NFIB: variants seen among roughly 807,000 people sequenced by gnomAD.
The protein encoded by NFIB is nuclear factor 1 B-type.
In NFIB, 11 loss-of-function variants were observed where a neutral mutation model predicts 61.5. The observed-to-expected ratio is 0.18, with a 90% CI of 0.11 to 0.30. The LOEUF (loss-of-function observed/expected upper bound fraction) is 0.30, where lower values mean the gene tolerates loss of function less well. NFIB is among the 10% of genes least tolerant of loss of function. NFIB has a pLI of 1.00. For missense variants in NFIB, 471 were observed against 608.9 expected (o/e 0.77, Z 2.38); for synonymous variants, 260 against 216.5 (o/e 1.20, Z -1.76).
intron 2 of NFIB, among the ~76,000 whole-genome samples, chr9:14,219,465 T>C (rs1359032549): frequency 6.7e-6 from 1 of 149,056 alleles, no homozygotes; most frequent in Non-Finnish European, 1.5e-5. Flanking sequence ...GTCAAAACTG[T>C]AAACCTAAAA....
At chr9:14,387,814 C>T (rs986799149) in intron 1 of NFIB, among the ~76,000 whole-genome samples, 8 of 152,134 alleles carry the variant, frequency 5.3e-5, no homozygotes, top group Admixed American at 1.3e-4. Flanking sequence ...TTTCTTGGGG[C>T]AGTATTTTCC....
intron 1 of NFIB, among the ~76,000 whole-genome samples, chr9:14,348,295 T>C (rs2061058920): frequency 6.6e-6 from 1 of 151,142 alleles, no homozygotes; most frequent in Admixed American, 6.6e-5. Context: ...TAAATACCTA[T>C]GGCTCTAAAG....
At chr9:14,293,996 T>C (rs1012766135) in intron 2 of NFIB, among the ~76,000 whole-genome samples, 2 of 152,228 alleles carry the variant, frequency 1.3e-5, no homozygotes, top group African/African-American at 2.4e-5. Context: ...TTTCATCTTG[T>C]CCTCCCATGA....
the NFIB span, among the ~76,000 whole-genome samples, chr9:14,522,097 G>C: frequency 6.6e-6 from 1 of 152,186 alleles, no homozygotes; most frequent in South Asian, 2.1e-4. Context: ...CCTGGTCTAA[G>C]CTGATTGATT....
intron 2 of NFIB, among the ~76,000 whole-genome samples, chr9:14,244,043 T>C (rs1057424576): frequency 7.9e-5 from 12 of 152,216 alleles, no homozygotes; most frequent in Admixed American, 7.9e-4. Flanking sequence ...TACTAATCTA[T>C]CATACGCAAT....
At position 14,084,370 on chromosome 9, in the gene NFIB, C is replaced by T; in HGVS notation, c.*3939G>A. 4.5e-6 allele frequency: 1 copy of T among 221,576 alleles called. No homozygotes were observed. The highest frequency in any genetic ancestry group is 9.1e-6 in the Non-Finnish European group (1 of 110,430). 13.7% of individuals were successfully genotyped at this position (221,576 alleles called of 1,614,324 possible). On this transcript the variant is annotated 3_prime_UTR_variant, in exon 11 of 11. Transcript: ENST00000380953. ...AAGGTAGGCGGTTCATTAAGAAGAC[C>T]TTTCGCTCTTCTCGCTACTTGCAGC...
At chr9:14,228,528 C>T (rs963042044) in intron 2 of NFIB, among the ~76,000 whole-genome samples, 10 of 152,154 alleles carry the variant, frequency 6.6e-5, no homozygotes, top group African/African-American at 2.2e-4. Context: ...CAATGTTCCA[C>T]TCGAACCCAT....
chr9:14,427,463 A>G, the NFIB span, among the ~76,000 whole-genome samples: 2 of 152,202 alleles, frequency 1.3e-5, no homozygotes, highest in Non-Finnish European at 2.9e-5. Context: ...TCCTAAAGTC[A>G]TCAAGCAGGT....
intron 2 of NFIB, among the ~76,000 whole-genome samples, chr9:14,264,807 T>C (rs926504816): frequency 1.4e-4 from 21 of 152,164 alleles, no homozygotes; most frequent in African/African-American, 5.1e-4. Context: ...AAAGGAAATC[T>C]GGGCTATCCC....
Position 14,307,104 on chromosome 9 carries a change from C to A in NFIB, c.447G>T (p.Glu149Asp). Residue 149 changes from glutamate to aspartate, a missense_variant, in exon 2 of 11, where the codon GAG becomes GAT. Physicochemically the swap from Glu to Asp is conservative, Grantham distance 45 (BLOSUM62 2). Coordinates refer to ENST00000380953, the MANE Select transcript of NFIB (RefSeq NM_001190737.2). This position sits in a 1 kb window ranked among gnomAD's most constrained non-coding sequence, Gnocchi z 5.3. ...TGCAATGTGGGGATTTCATGAGCCGCTCTCCATCGGTACTTTCCAAGGGGA... is the reference window on the plus strand; with the variant it reads ...TGCAATGTGGGGATTTCATGAGCCGATCTCCATCGGTACTTTCCAAGGGGA... The part of the protein sequence containing the change: ...KGIPLESTDG[E>D]RLMKSPHCTN... 6.2e-7 allele frequency: 1 copy of A among 1,614,164 alleles called. No homozygotes were observed. Among genetic ancestry groups the A allele is most frequent in the Non-Finnish European group, 8.5e-7 (1 of 1,180,026 alleles).
At chr9:14,109,238 C>T (rs2036995614) in intron 10 of NFIB, among the ~76,000 whole-genome samples, 1 of 152,010 alleles carries the variant, frequency 6.6e-6, no homozygotes. Context: ...TAAGCAACAT[C>T]CAACACTCTG....
At chr9:14,262,910 G>T (rs2056899580) in intron 2 of NFIB, among the ~76,000 whole-genome samples, 1 of 152,010 alleles carries the variant, frequency 6.6e-6, no homozygotes, top group Admixed American at 6.6e-5. Flanking sequence ...TTTAGAGGCA[G>T]CCATTTCCAA....
chr9:14,267,193 T>C (rs763245117), intron 2 of NFIB, among the ~76,000 whole-genome samples: 1 of 152,222 alleles, frequency 6.6e-6, no homozygotes, highest in African/African-American at 2.4e-5. Flanking sequence ...ACTGAACACA[T>C]AATAGGAAAA....
At chr9:14,472,004 C>T in the NFIB span, among the ~76,000 whole-genome samples, 5 of 152,302 alleles carry the variant, frequency 3.3e-5, no homozygotes, top group South Asian at 8.3e-4. Context: ...TCAATGAGTT[C>T]CCTTGCTCTT....
the NFIB span, among the ~76,000 whole-genome samples, chr9:14,525,367 T>A: frequency 6.6e-6 from 1 of 152,184 alleles, no homozygotes; most frequent in Non-Finnish European, 1.5e-5. Context: ...CTTTGAGGGT[T>A]TTCGTGTTCT....
the NFIB span, among the ~76,000 whole-genome samples, chr9:14,449,449 C>G: frequency 2.0e-5 from 3 of 152,176 alleles, no homozygotes; most frequent in Admixed American, 2.0e-4. Flanking sequence ...TTGAGGATCA[C>G]TGGCATAAAG....
chr9:14,226,040 C>T (rs1278716406), intron 2 of NFIB, among the ~76,000 whole-genome samples: 1 of 151,840 alleles, frequency 6.6e-6, no homozygotes, highest in East Asian at 1.9e-4. Flanking sequence ...TTAAATACAG[C>T]ACTAACAGAA....
chr9:14,220,854 C>CACACACACAA (rs2051566365), intron 2 of NFIB, among the ~76,000 whole-genome samples: 1 of 149,774 alleles, frequency 6.7e-6, no homozygotes, highest in Non-Finnish European at 1.5e-5. Context: ...CACACACACA[C>CACACACACAA]ACACACACAC....
At chr9:14,482,530 T>C in the NFIB span, among the ~76,000 whole-genome samples, 5 of 152,314 alleles carry the variant, frequency 3.3e-5, no homozygotes, top group East Asian at 9.7e-4. Context: ...TTTGATCACA[T>C]AGAACGTAAG....
Sources: allele counts gnomAD v4.1 joint callset (sites outside exome capture counted in the v4.1 genomes callset), GRCh38; gene constraint gnomAD v4.1.1; non-coding constraint Gnocchi (gnomAD v3.1); transcripts MANE v1.5; gene names NCBI Gene and HGNC (gene_info 2026-07-23, HGNC 2026-07-21).